Variants in MAPRE2 observed in about 807,000 individuals in gnomAD.
MAPRE2 encodes microtubule-associated protein RP/EB family member 2.
In MAPRE2, 13 loss-of-function variants were observed where a neutral mutation model predicts 43.2. The observed-to-expected ratio is 0.30, with a 90% CI of 0.20 to 0.48. The LOEUF (loss-of-function observed/expected upper bound fraction) is 0.48. Ranked by LOEUF, MAPRE2 falls within the 20% of genes least tolerant of loss-of-function variation. The probability of loss-of-function intolerance (pLI) is 0.99; values close to 1 mark genes in which losing one functional copy is unlikely to be tolerated. For missense variants in MAPRE2, 161 were observed against 400.2 expected (o/e 0.40, Z 5.10); for synonymous variants, 135 against 148.8 (o/e 0.91, Z 0.68).
At chr18:35,111,478 A>G (rs550342167) in intron 4 of MAPRE2, among the ~76,000 whole-genome samples, 3 of 152,246 alleles carry the variant, frequency 2.0e-5, no homozygotes, top group Admixed American at 6.5e-5. Context: ...TTATATGTCA[A>G]ATAATTTTGG....
chr18:35,059,579 G>T (rs1181255658), intron 1 of MAPRE2, among the ~76,000 whole-genome samples: 1 of 152,190 alleles, frequency 6.6e-6, no homozygotes, highest in Non-Finnish European at 1.5e-5. Flanking sequence ...CTTACATCCT[G>T]GGGGCAAGAG....
At chr18:35,016,352 A>G (rs1024122451) in intron 2 of MAPRE2, among the ~76,000 whole-genome samples, 1 of 151,958 alleles carries the variant, frequency 6.6e-6, no homozygotes, top group Non-Finnish European at 1.5e-5. Context: ...GGTTGAATGT[A>G]GTTCTGTTTA....
chr18:34,998,098 C>T (rs2097027408), intron 1 of MAPRE2, among the ~76,000 whole-genome samples: 1 of 151,858 alleles, frequency 6.6e-6, no homozygotes, highest in South Asian at 2.1e-4. Context: ...AATTTTTTTT[C>T]TATCAAGGAA....
At chr18:35,134,167 G>T (rs541771354) in intron 6 of MAPRE2, among the ~76,000 whole-genome samples, 1 of 152,162 alleles carries the variant, frequency 6.6e-6, no homozygotes, top group Non-Finnish European at 1.5e-5. Flanking sequence ...GGTAGCTATT[G>T]TCATCCCATT....
chr18:35,113,866 TG>T (rs1909290000), intron 4 of MAPRE2, among the ~76,000 whole-genome samples: 1 of 152,156 alleles, frequency 6.6e-6, no homozygotes, highest in Admixed American at 6.5e-5. Context: ...CACTCCAACC[TG>T]GGCAACAAAG....
intron 1 of MAPRE2, among the ~76,000 whole-genome samples, chr18:34,982,700 A>AGTAATCT (rs1456976866): frequency 6.6e-6 from 1 of 152,194 alleles, no homozygotes; most frequent in Non-Finnish European, 1.5e-5. Flanking sequence ...CAATAAACCT[A>AGTAATCT]ATCTAGTAAT....
chr18:35,091,290 T>C (rs1033324171), intron 2 of MAPRE2, among the ~76,000 whole-genome samples: 8 of 152,216 alleles, frequency 5.3e-5, no homozygotes, highest in Non-Finnish European at 1.2e-4. Flanking sequence ...TTATTAAAAA[T>C]ACTGTATAAA....
intron 1 of MAPRE2, among the ~76,000 whole-genome samples, chr18:34,992,001 G>A (rs986281568): frequency 5.9e-5 from 9 of 152,010 alleles, no homozygotes; most frequent in Non-Finnish European, 8.8e-5. Context: ...GAATTTTTTC[G>A]TTTTTTATGT....
At chr18:35,053,976 A>G (rs965467280) in intron 1 of MAPRE2, among the ~76,000 whole-genome samples, 2 of 152,216 alleles carry the variant, frequency 1.3e-5, no homozygotes, top group Non-Finnish European at 2.9e-5. Context: ...AAGAGGGAGG[A>G]AAAATAAATG....
intron 1 of MAPRE2, among the ~76,000 whole-genome samples, chr18:34,984,877 ATGTTATATAATATATAATATATTT>A: frequency 3.8e-5 from 3 of 79,262 alleles, no homozygotes; most frequent in African/African-American, 9.5e-5. Context: ...AATATATTTT[ATGTTATATAATATATAATATATTT>A]TATGTTATAT....
chr18:35,060,696 C>T lies in MAPRE2; in HGVS notation c.123-9499C>T, dbSNP rs537314900. On this transcript the variant is annotated intron_variant, in intron 1 of 6. Transcript: ENST00000300249. ...TTAGAAAACAAAACAAAAATCCACC[C>T]GTATATGCTGTTTTGAAAGTTTGTC... Among the ~76,000 whole-genome samples, 3 of 152,248 alleles carry T rather than the reference C, an allele frequency of 2.0e-5. No individual in the cohort carries two copies. In the South Asian group the frequency reaches 6.2e-4, roughly 32 times the overall value.
At chr18:35,022,127 T>A (rs911339968) in intron 2 of MAPRE2, among the ~76,000 whole-genome samples, 13 of 152,152 alleles carry the variant, frequency 8.5e-5, no homozygotes, top group African/African-American at 3.1e-4. Flanking sequence ...ATGAAAAGGT[T>A]TGAAAACTTT....
At chr18:35,082,208 T>G (rs1907671814) in intron 2 of MAPRE2, 2 of 107,052 alleles carry the variant, frequency 1.9e-5, no homozygotes, top group Non-Finnish European at 1.6e-5. Flanking sequence ...GAGAATGGCG[T>G]GAACCCGGGA....
In MAPRE2 at chr18:35,041,445, G is replaced by A; in HGVS notation, c.-95G>A. 9.4e-6 allele frequency: 15 copies of A among 1,597,544 alleles called. No homozygotes were observed. The highest frequency in any genetic ancestry group is 1.3e-5 in the Non-Finnish European group (15 of 1,171,642). The stretch of plus-strand genomic sequence containing the variant: ...CAGTGAGCGAGCAGGCGGCAGGCAC[G>A]GTCCGTGCGGAGCAGGCGAGCGAGC... On this transcript the variant is annotated 5_prime_UTR_variant, in exon 1 of 7. Coordinates refer to ENST00000300249, the MANE Select transcript of MAPRE2 (RefSeq NM_014268.4).
chr18:35,007,895 A>C (rs1190730359), intron 2 of MAPRE2, among the ~76,000 whole-genome samples: 1 of 152,190 alleles, frequency 6.6e-6, no homozygotes, highest in East Asian at 1.9e-4. Context: ...AAGTAAACTG[A>C]AAATACAGTA....
chr18:35,025,534 G>A (rs906744306), intron 2 of MAPRE2, among the ~76,000 whole-genome samples: 1 of 152,182 alleles, frequency 6.6e-6, no homozygotes, highest in Non-Finnish European at 1.5e-5. Flanking sequence ...TTATAAAGAT[G>A]AGACAGTCGT....
At chr18:35,003,260 G>A (rs188836161) in intron 1 of MAPRE2, among the ~76,000 whole-genome samples, 1 of 152,294 alleles carries the variant, frequency 6.6e-6, no homozygotes, top group East Asian at 1.9e-4. Flanking sequence ...TGGAGTGAAA[G>A]CTCTCCAGGT....
At chr18:34,990,215 A>G (rs2097023066) in intron 1 of MAPRE2, among the ~76,000 whole-genome samples, 1 of 152,154 alleles carries the variant, frequency 6.6e-6, no homozygotes, top group Admixed American at 6.6e-5. Flanking sequence ...AGTCTTTCTT[A>G]TAAAAAACAT....
intron 4 of MAPRE2, among the ~76,000 whole-genome samples, chr18:35,105,943 T>C (rs1908884512): frequency 6.6e-6 from 1 of 152,140 alleles, no homozygotes; most frequent in Admixed American, 6.6e-5. Context: ...CTCTGTAATA[T>C]TGACCCTGAT....
Sources: allele counts gnomAD v4.1 joint callset (sites outside exome capture counted in the v4.1 genomes callset), GRCh38; gene constraint gnomAD v4.1.1; transcripts MANE v1.5; gene names NCBI Gene and HGNC (gene_info 2026-07-23, HGNC 2026-07-21).